ZSCAN18: variants seen among roughly 807,000 people sequenced by gnomAD.
The protein encoded by ZSCAN18 is zinc finger and SCAN domain-containing protein 18.
A neutral mutation model predicts 31.1 loss-of-function variants in ZSCAN18; 16 were observed. That is an observed-to-expected ratio of 0.51 (90% CI 0.35 to 0.78). The LOEUF (loss-of-function observed/expected upper bound fraction) is 0.78, where lower values mean the gene tolerates loss of function less well. Ranked by LOEUF, ZSCAN18 falls within the 30% of genes least tolerant of loss-of-function variation. The pLI is 0.01. For synonymous variants in ZSCAN18, 375 were observed against 320.7 expected, an observed-to-expected ratio of 1.17 and a Z score of -1.81; for missense variants, 731 against 697.4, an observed-to-expected ratio of 1.05 and a Z score of -0.54.
rs1379310150 is a variant in ZSCAN18, at chr19:58,084,973, G to A, written c.1245C>T (p.Cys415=). 4 of 1,599,026 alleles carry A rather than the reference G, an allele frequency of 2.5e-6. No individual in the cohort carries two copies. The highest frequency in any genetic ancestry group is 3.3e-4 in the Middle Eastern group (2 of 6,014). The change falls in exon 7 of 7, where the codon TGC becomes TGT. Residue 415 remains cysteine, a synonymous_variant. Coordinates refer to ENST00000601144, the MANE Select transcript of ZSCAN18 (RefSeq NM_001145543.2). This position sits in a 1 kb window ranked among gnomAD's most constrained non-coding sequence, Gnocchi z 4.5. The part of the protein sequence containing the change: ...PGLSRGKPYA[C]GECGEAFAWL... ...ACGCGAAGGCCTCCCCGCACTCGCC[G>A]CAGGCATAGGGCTTCCCGCGGGACA...
At chr19:58,088,582 A>G (rs1568630801) in intron 3 of ZSCAN18, 106 bp downstream of exon 3, 1 of 1,149,732 alleles carries the variant, frequency 8.7e-7, no homozygotes, top group Non-Finnish European at 1.2e-6. Flanking sequence ...TGGACCATGG[A>G]GCCCCTGACT....
intron 4 of ZSCAN18, 106 bp from the exon 5 acceptor site, chr19:58,087,114 G>A (rs1413922594): frequency 9.3e-7 from 1 of 1,080,200 alleles, no homozygotes; most frequent in Admixed American, 2.3e-5. Flanking sequence ...CCTGGCCAGG[G>A]ACTCTAACCC....
In ZSCAN18 at chr19:58,084,740, G is replaced by T; in HGVS notation, c.1478C>A (p.Pro493His). 1 of 1,547,138 alleles carries T rather than the reference G, an allele frequency of 6.5e-7. No homozygotes were observed. Residue 493 changes from proline (P) to histidine (H), a missense_variant, in exon 7 of 7, where the codon CCC becomes CAC. Transcript: ENST00000601144. This position sits in a 1 kb window ranked among gnomAD's most constrained non-coding sequence, Gnocchi z 4.5. ...AGCCTCGCCCTCCACGCTCTCTGGG[G>T]GACCGCCCGCCCTAGCCCCCGCCTG... Reference protein sequence around the residue: ...EAQAGARAGGPPESVEGEAPP... With the variant: ...EAQAGARAGGHPESVEGEAPP...
At position 58,088,688 on chromosome 19, in the gene ZSCAN18, G is replaced by A. The variant is rs1293804277; in HGVS notation, c.553C>T (p.Pro185Ser). Residue 185 changes from proline (P) to serine (S), a missense_variant and splice_region_variant, in exon 3 of 7, where the codon CCC (proline) becomes TCC (serine). Physicochemically the swap from Pro to Ser is moderately conservative, Grantham distance 74. Coordinates refer to ENST00000601144, the MANE Select transcript of ZSCAN18 (RefSeq NM_001145543.2). ...GCTGCCAGGCTAGCTGGGCACTCAC[G>A]TGTCTCAGAAGGTGCCGGGATCTCC... ...AGEIPAPSET[P>S]WLSPDPLFLE... 3.1e-6 allele frequency: 5 copies of A among 1,608,174 alleles called. No homozygotes were observed. The highest frequency in any genetic ancestry group is 3.4e-6 in the Non-Finnish European group (4 of 1,179,802).
At chr19:58,109,086 T>A in intron 1 of ZSCAN18, 1 of 1,227,416 alleles carries the variant, frequency 8.1e-7, no homozygotes, top group Non-Finnish European at 1.0e-6. Context: ...CAGCCCCTCA[T>A]AGATGCTCTG....
chr19:58,107,787 T>C, intron 1 of ZSCAN18: 1 of 992,420 alleles, frequency 1.0e-6, no homozygotes. Flanking sequence ...TCAACTCTGG[T>C]TTCTAGCGAG....
chr19:58,088,976 C>T, intron 2 of ZSCAN18, 139 bp from the exon 3 acceptor site: 1 of 777,184 alleles, frequency 1.3e-6, no homozygotes, highest in Non-Finnish European at 2.0e-6. Flanking sequence ...ACCAGGAGAC[C>T]TCCAGCCTGC....
chr19:58,095,193 A>C (rs1175534927), intron 1 of ZSCAN18, among the ~76,000 whole-genome samples: 1 of 152,204 alleles, frequency 6.6e-6, no homozygotes, highest in Non-Finnish European at 1.5e-5. Context: ...TACTTGGTGC[A>C]TGGACAGAGG....
chr19:58,117,984 C>A (rs1020483956), intron 1 of ZSCAN18, among the ~76,000 whole-genome samples: 1 of 151,856 alleles, frequency 6.6e-6, no homozygotes, highest in Non-Finnish European at 1.5e-5. Context: ...CGCCCCACCA[C>A]GAAAGGAGAG....
intron 1 of ZSCAN18, chr19:58,118,128 C>G (rs927402591): frequency 9.4e-6 from 4 of 423,620 alleles, no homozygotes; most frequent in African/African-American, 6.2e-5. Context: ...GTTCCTCACG[C>G]CCGCCCCGCC....
At chr19:58,086,040 C>T (rs1950343005) in intron 6 of ZSCAN18, 134 bp downstream of exon 6, 1 of 697,320 alleles carries the variant, frequency 1.4e-6, no homozygotes, top group Non-Finnish European at 2.5e-6. Flanking sequence ...CACTCAGACA[C>T]GGTGGTGGGA....
Position 58,086,897 on chromosome 19 carries a change from G to C in ZSCAN18, c.745+9C>G, listed in dbSNP as rs765180684. On this transcript the variant is annotated intron_variant, in intron 5 of 6. Coordinates refer to ENST00000601144, the MANE Select transcript of ZSCAN18 (RefSeq NM_001145543.2). ...AGTGGGGCGTGACCCCGAGGCAGGC[G>C]ACTCTCACCCCACAGGAGCAGCTTC... The C allele has an allele frequency of 2.5e-6, 4 of 1,611,218 alleles. No homozygotes were observed. Among genetic ancestry groups the C allele is most frequent in the Non-Finnish European group, 3.4e-6 (4 of 1,178,254 alleles).
intron 2 of ZSCAN18, among the ~76,000 whole-genome samples, chr19:58,089,259 C>T (rs8110117): frequency 0.19 from 23,677 of 124,302 alleles, 2,347 homozygotes; most frequent in Middle Eastern, 0.32. Flanking sequence ...GCCGAGATCC[C>T]GCCACTGCAC....
At position 58,084,257 on chromosome 19, in the gene ZSCAN18, G is replaced by GGCTA. The variant is rs1182668965; in HGVS notation, c.*424_*427dup. 1.2e-5 allele frequency: 2 copies of GGCTA among 162,438 alleles called. No homozygotes were observed. Among genetic ancestry groups the GGCTA allele is most frequent in the African/African-American group, 4.8e-5 (2 of 41,848 alleles). The allele number at this position is 162,438 out of a possible 1,614,324, so 10.1% of individuals were successfully genotyped here. On this transcript the variant is annotated 3_prime_UTR_variant, in exon 7 of 7. Transcript: ENST00000601144. This position sits in a 1 kb window ranked among gnomAD's most constrained non-coding sequence, Gnocchi z 4.5. ...GTTGACATCACGCCAAGTACGAAAA[G>GGCTA]GCTAAACAGCTGACAAAATTTCCAC...
chr19:58,096,823 A>G (rs573884428), intron 1 of ZSCAN18, among the ~76,000 whole-genome samples: 4 of 152,302 alleles, frequency 2.6e-5, no homozygotes, highest in African/African-American at 9.6e-5. Flanking sequence ...AAAAGGGGTA[A>G]AAGTGCTTTT....
chr19:58,116,449 G>A (rs1461822819), intron 1 of ZSCAN18, among the ~76,000 whole-genome samples: 1 of 151,882 alleles, frequency 6.6e-6, no homozygotes, highest in African/African-American at 2.4e-5. Context: ...AGGCATTCTG[G>A]TATGGGAATA....
chr19:58,099,983 C>A (rs1016061536), upstream of ZSCAN18, among the ~76,000 whole-genome samples: 8 of 42,642 alleles, frequency 1.9e-4, no homozygotes, highest in Non-Finnish European at 6.1e-4. Context: ...TTTTTTGAGA[C>A]AAGGTCTCAC....
chr19:58,095,194 T>C (rs1307712820), intron 1 of ZSCAN18, among the ~76,000 whole-genome samples: 3 of 152,180 alleles, frequency 2.0e-5, no homozygotes, highest in Non-Finnish European at 4.4e-5. Flanking sequence ...ACTTGGTGCA[T>C]GGACAGAGGT....
upstream of ZSCAN18, among the ~76,000 whole-genome samples, chr19:58,101,138 T>C (rs10405686): frequency 0.026 from 1,059 of 40,344 alleles, 5 homozygotes; most frequent in Middle Eastern, 0.042. Context: ...TTTTTTTTTT[T>C]TTTTTTTTTT....
Sources: allele counts gnomAD v4.1 joint callset (sites outside exome capture counted in the v4.1 genomes callset), GRCh38; gene constraint gnomAD v4.1.1; non-coding constraint Gnocchi (gnomAD v3.1); transcripts MANE v1.5; gene names NCBI Gene and HGNC (gene_info 2026-07-23, HGNC 2026-07-21).